Variants in TUT4 observed in about 807,000 individuals in gnomAD.
The protein encoded by TUT4 is terminal uridylyltransferase 4.
In TUT4, 36 loss-of-function variants were observed where a neutral mutation model predicts 192.2. The observed-to-expected ratio is 0.19, with a 90% CI of 0.14 to 0.25. The LOEUF (loss-of-function observed/expected upper bound fraction) is 0.25. Ranked by LOEUF, TUT4 falls within the 10% of genes least tolerant of loss-of-function variation. The probability of loss-of-function intolerance (pLI) is 1.00; values close to 1 mark genes in which losing one functional copy is unlikely to be tolerated. For synonymous variants in TUT4, 618 were observed against 666.0 expected (o/e 0.93, Z 1.11); for missense variants, 1,493 against 1,957.2 (o/e 0.76, Z 4.47).
At chr1:52,497,907 A>G (rs12080399) in intron 4 of TUT4, among the ~76,000 whole-genome samples, 53,459 of 152,056 alleles carry the variant, frequency 0.35, 13,042 homozygotes, top group African/African-American at 0.7. Flanking sequence ...TATTATTAAC[A>G]CATCCCCTCC....
In TUT4 at chr1:52,475,310, C is replaced by A. The variant is rs1328940489; in HGVS notation, c.2249G>T (p.Gly750Val). The A allele has an allele frequency of 3.1e-6, 5 of 1,613,872 alleles. No homozygotes were observed. In the East Asian group the frequency reaches 8.9e-5, roughly 29 times the overall value. Reference protein sequence around the residue: ...NMATNGCILLGETTEKINAER... With the variant: ...NMATNGCILLVETTEKINAER... Reference sequence around the variant, plus strand: ...TGCATTTATTTTTTCTGTGGTTTCCCCAAGCAGAATACAACCATTGGTTGC... The same window carrying A: ...TGCATTTATTTTTTCTGTGGTTTCCACAAGCAGAATACAACCATTGGTTGC... Residue 750 changes from glycine (G) to valine (V), a missense_variant, in exon 13 of 30, where the codon GGG becomes GTG. Gly to Val is a moderately radical substitution (Grantham distance 109). Transcript: ENST00000257177.
chr1:52,516,244 A>T (rs1678681503), intron 2 of TUT4, among the ~76,000 whole-genome samples, 190 bp from the exon 3 acceptor site: 1 of 152,180 alleles, frequency 6.6e-6, no homozygotes, highest in African/African-American at 2.4e-5. Context: ...AAAGTCACAA[A>T]GAAAAACCTT....
intron 27 of TUT4, chr1:52,431,924 A>G (rs1652211775): frequency 6.4e-6 from 1 of 155,588 alleles, no homozygotes; most frequent in Admixed American, 6.4e-5. Flanking sequence ...AATGAGTACT[A>G]TGATAAAGAA....
At chr1:52,549,631 T>C (rs1211009487) in intron 1 of TUT4, among the ~76,000 whole-genome samples, 1 of 152,192 alleles carries the variant, frequency 6.6e-6, no homozygotes. Flanking sequence ...TTCTAAATAA[T>C]TGAGAAAATA....
In TUT4 at chr1:52,436,743, TTTTC is replaced by T. The variant is rs1395637824; in HGVS notation, c.4162+8_4162+11del. On this transcript the variant is annotated splice_region_variant and intron_variant, in intron 26 of 29. Coordinates refer to ENST00000257177, the MANE Select transcript of TUT4 (RefSeq NM_001009881.3). ...TTTCTACCAGAAACTATGTTTGGCC[TTTTC>T]TATTTACCTGCCACACTGCTATTCC... 7 of 1,612,386 alleles carry T rather than the reference TTTTC, an allele frequency of 4.3e-6. No homozygotes were observed. Among genetic ancestry groups the T allele is most frequent in the Non-Finnish European group, 5.9e-6 (7 of 1,179,874 alleles).
At chr1:52,493,405 A>AT (rs200356619) in intron 7 of TUT4, among the ~76,000 whole-genome samples, 286 of 145,262 alleles carry the variant, frequency 2.0e-3, no homozygotes, top group Middle Eastern at 3.6e-3. Flanking sequence ...TTAATATGGC[A>AT]TTTTTTTTTT....
intron 20 of TUT4, among the ~76,000 whole-genome samples, chr1:52,455,602 A>G (rs1410996682): frequency 2.0e-5 from 2 of 100,628 alleles, no homozygotes; most frequent in Non-Finnish European, 3.7e-5. Context: ...GTGAGACGCT[A>G]CCTTTAAAAA....
chr1:52,460,308 C>T (rs755617778), intron 19 of TUT4, among the ~76,000 whole-genome samples: 4 of 152,162 alleles, frequency 2.6e-5, no homozygotes, highest in South Asian at 2.1e-4. Flanking sequence ...ATGGTGAAAC[C>T]CCGTCTCTAC....
At chr1:52,544,215 G>A (rs1687470980) in intron 1 of TUT4, among the ~76,000 whole-genome samples, 1 of 151,890 alleles carries the variant, frequency 6.6e-6, no homozygotes, top group African/African-American at 2.4e-5. Context: ...ATGAACCTGG[G>A]AGGCGGAGCT....
intron 20 of TUT4, among the ~76,000 whole-genome samples, chr1:52,457,839 A>G (rs749149997): frequency 2.0e-5 from 3 of 152,206 alleles, no homozygotes; most frequent in Non-Finnish European, 4.4e-5. Context: ...GTACATTCTT[A>G]TGTTTAATGT....
rs201411412 is a variant in TUT4, at chr1:52,509,733, A to G, written c.883-21T>C. 3.6e-4 allele frequency: 498 copies of G among 1,399,968 alleles called. 1 individual carries two copies. The highest frequency in any genetic ancestry group is 4.9e-4 in the Non-Finnish European group (479 of 986,782). The allele number at this position is 1,399,968 out of a possible 1,614,324, so 86.7% of individuals were successfully genotyped here. On this transcript the variant is annotated intron_variant, in intron 3 of 29. Coordinates refer to ENST00000257177, the MANE Select transcript of TUT4 (RefSeq NM_001009881.3). Reference sequence around the variant, plus strand: ...GATCGCTGAAGAGACAAATTTTAAAAATGCACTTTATTCAGAAAACAGAGG... The same window carrying G: ...GATCGCTGAAGAGACAAATTTTAAAGATGCACTTTATTCAGAAAACAGAGG...
Position 52,481,901 on chromosome 1 carries a change from G to A in TUT4, c.1538C>T (p.Thr513Ile). Residue 513 changes from threonine to isoleucine, a missense_variant, in exon 10 of 30, where the codon ACT becomes ATT. By Grantham distance (89) the Thr-to-Ile change is moderately conservative. This residue lies in a region of TUT4 where 437 missense variants were observed against 577.6 expected (regional missense o/e 0.76). Coordinates refer to ENST00000257177, the MANE Select transcript of TUT4 (RefSeq NM_001009881.3). ...WAKLCYIDSQ[T>I]DGGIPSYCFA... ...ACAGTAAGAAGGGATTCCACCATCA[G>A]TTTGGGAGTCAATATAGCACAACTG... The A allele has an allele frequency of 6.3e-7, 1 of 1,588,348 alleles. No individual in the cohort carries two copies. The highest frequency in any genetic ancestry group is 8.5e-7 in the Non-Finnish European group (1 of 1,173,062).
intron 2 of TUT4, among the ~76,000 whole-genome samples, chr1:52,524,893 G>A (rs1681307763): frequency 6.6e-6 from 1 of 152,212 alleles, no homozygotes; most frequent in South Asian, 2.1e-4. Flanking sequence ...AGAAGGCCCT[G>A]ATATTCCTGT....
chr1:52,466,661 T>A (rs11205962), intron 15 of TUT4, among the ~76,000 whole-genome samples: 13,053 of 126,748 alleles, frequency 0.1, 728 homozygotes, highest in Middle Eastern at 0.21. Context: ...AAAAAAAAAA[T>A]ATATATATAT....
chr1:52,479,776 C>G (rs961318269), intron 11 of TUT4, among the ~76,000 whole-genome samples: 1 of 151,952 alleles, frequency 6.6e-6, no homozygotes, highest in African/African-American at 2.4e-5. Context: ...GGGTGGATCA[C>G]GAGATCAGGA....
Position 52,526,102 on chromosome 1 carries a change from T to G in TUT4, c.179A>C (p.Gln60Pro), listed in dbSNP as rs1681684831. The G allele has an allele frequency of 6.2e-7, 1 of 1,609,268 alleles. No homozygotes were observed. The highest frequency in any genetic ancestry group is 1.1e-5 in the South Asian group (1 of 89,172). Residue 60 changes from glutamine (Q) to proline (P), a missense_variant, in exon 2 of 30, where the codon CAA becomes CCA. Physicochemically the swap from Gln to Pro is moderately conservative, Grantham distance 76. Coordinates refer to ENST00000257177, the MANE Select transcript of TUT4 (RefSeq NM_001009881.3). ...PNRNSSKKNK[Q>P]NDICIEKTEV... Reference sequence around the variant, plus strand: ...TGTTTTTTCTATACAAATATCATTTTGCTTATTTTTTTTACTACTATTCCT... The same window carrying G: ...TGTTTTTTCTATACAAATATCATTTGGCTTATTTTTTTTACTACTATTCCT...
chr1:52,455,638 G>A (rs1356737605), intron 20 of TUT4, among the ~76,000 whole-genome samples: 1 of 131,444 alleles, frequency 7.6e-6, no homozygotes. Context: ...AAAGACGGGG[G>A]AGAGGAAGGG....
intron 16 of TUT4, among the ~76,000 whole-genome samples, chr1:52,464,469 G>A (rs1353342301): frequency 6.6e-6 from 1 of 151,954 alleles, no homozygotes; most frequent in African/African-American, 2.4e-5. Flanking sequence ...TTGGCCAGGA[G>A]TGTCTTGATC....
chr1:52,478,001 T>C (rs1035028618), intron 11 of TUT4, 119 bp from the exon 12 acceptor site: 3 of 975,222 alleles, frequency 3.1e-6, no homozygotes, highest in Admixed American at 2.9e-5. Flanking sequence ...AAGGAGTAAT[T>C]TGCCAAAAAG....
Sources: gnomAD v4.1 joint callset for allele counts (sites outside exome capture counted in the v4.1 genomes callset) on GRCh38, gnomAD v4.1.1 for gene constraint, gnomAD v4.1.1 regional missense constraint, MANE v1.5 for transcripts, NCBI Gene and HGNC (gene_info 2026-07-23, HGNC 2026-07-21) for gene names.